Variants in HOXC4 observed in about 807,000 individuals in gnomAD.
HOXC4 encodes the protein homeobox C4, also known as homeobox protein Hox-C4.
In HOXC4, 15 loss-of-function variants were observed where a neutral mutation model predicts 25.5. The observed-to-expected ratio is 0.59, with a 90% confidence interval of 0.39 to 0.91. The LOEUF is 0.91. Among genes scored for constraint, HOXC4 ranks in the 40% least tolerant of loss-of-function variants. The pLI is 0.00. For missense variants in HOXC4, 342 were observed against 352.4 expected (o/e 0.97, Z 0.24); for synonymous variants, 165 against 148.0 (o/e 1.11, Z -0.83).
At chr12:54,031,343 G>A (rs1940978649) in intron 1 of HOXC4, among the ~76,000 whole-genome samples, 1 of 152,200 alleles carries the variant, frequency 6.6e-6, no homozygotes, top group African/African-American at 2.4e-5. Flanking sequence ...GAAGACCGCG[G>A]GACTGGAGCC....
At chr12:54,043,918 C>CTG (rs71444829) in intron 1 of HOXC4, among the ~76,000 whole-genome samples, 3,533 of 127,308 alleles carry the variant, frequency 0.028, 56 homozygotes, top group Middle Eastern at 0.035. Context: ...AAAACACAGG[C>CTG]TGTGTGTGTG....
intron 1 of HOXC4, chr12:54,030,884 C>T (rs1251459198): frequency 1.3e-5 from 2 of 152,282 alleles, no homozygotes. Flanking sequence ...GGAGCAGGCT[C>T]CAAGCGCTCC....
At chr12:54,050,555 C>T (rs574779905), upstream of HOXC4, among the ~76,000 whole-genome samples, 17 of 152,244 alleles carry the variant, frequency 1.1e-4, no homozygotes, top group South Asian at 3.3e-3. Context: ...TACCCCCACC[C>T]CCTCCCAATT....
At chr12:54,051,961 T>G (rs1937856276), upstream of HOXC4, among the ~76,000 whole-genome samples, 2 of 152,208 alleles carry the variant, frequency 1.3e-5, no homozygotes, top group Non-Finnish European at 2.9e-5. Context: ...CACAAGGGCT[T>G]TATTTTTTTT....
intron 1 of HOXC4, among the ~76,000 whole-genome samples, chr12:54,026,129 G>T (rs1294063290): frequency 6.6e-6 from 1 of 152,066 alleles, no homozygotes; most frequent in Non-Finnish European, 1.5e-5. Context: ...ATTGGAGGGG[G>T]GGACAGAGTT....
At chr12:54,033,919 C>G (rs528974331) in intron 1 of HOXC4, 1 of 398,138 alleles carries the variant, frequency 2.5e-6, no homozygotes, top group Non-Finnish European at 4.9e-6. Flanking sequence ...CCGGCTCCGC[C>G]GGCGCTTGCG....
chr12:54,034,571 A>G, intron 1 of HOXC4: 1 of 1,247,298 alleles, frequency 8.0e-7, no homozygotes, highest in Non-Finnish European at 1.1e-6. Flanking sequence ...TTTCCTCTCT[A>G]TATTTCGGGT....
chr12:54,035,277 T>C (rs1941158923), intron 1 of HOXC4: 1 of 152,706 alleles, frequency 6.5e-6, no homozygotes, highest in Non-Finnish European at 1.5e-5. Flanking sequence ...TCCTGACCCA[T>C]TGCTGTTGTC....
intron 1 of HOXC4, among the ~76,000 whole-genome samples, chr12:54,031,000 G>A (rs1940964410): frequency 6.6e-6 from 1 of 152,236 alleles, no homozygotes; most frequent in Non-Finnish European, 1.5e-5. Context: ...CGCACTGAGG[G>A]GCTGGGAGGC....
In HOXC4 at chr12:54,029,560, G is replaced by A. The variant is rs1940900453; in HGVS notation, c.-124+12146G>A. The A allele has an allele frequency of 3.6e-5, 48 of 1,322,116 alleles. No homozygotes were observed. The Middle Eastern group carries it at 8.0e-4, about 22-fold the overall frequency. 81.9% of individuals were successfully genotyped at this position (1,322,116 alleles called of 1,614,324 possible). On this transcript the variant is annotated intron_variant, in intron 1 of 3. Transcript: ENST00000303406. ...GCCCTAAGGAGGCTGTGAGCTGCTG[G>A]CCAGGTTGGGAGGGTCAGGACTTTG...
At chr12:54,018,665 C>T (rs1036998606) in intron 1 of HOXC4, among the ~76,000 whole-genome samples, 1 of 152,184 alleles carries the variant, frequency 6.6e-6, no homozygotes, top group Admixed American at 6.5e-5. Context: ...GGCCTGGGTC[C>T]GAGGCTCCGA....
At chr12:54,035,604 T>A (rs1162326984) in intron 1 of HOXC4, among the ~76,000 whole-genome samples, 13 of 152,360 alleles carry the variant, frequency 8.5e-5, no homozygotes, top group Non-Finnish European at 2.9e-5. Context: ...ATGCTGTGGC[T>A]GTCCAAGGCC....
chr12:54,023,593 G>A (rs1211493668), intron 1 of HOXC4, among the ~76,000 whole-genome samples: 1 of 152,122 alleles, frequency 6.6e-6, no homozygotes, highest in Admixed American at 6.5e-5. Context: ...AGCTTAACAT[G>A]CCCAATCTGC....
intron 1 of HOXC4, chr12:54,034,357 C>T: frequency 6.2e-7 from 1 of 1,614,226 alleles, no homozygotes; most frequent in Non-Finnish European, 8.5e-7. Context: ...ACTTTAACCG[C>T]TACCTCACTC....
chr12:54,018,791 G>A (rs2136414621), intron 1 of HOXC4, among the ~76,000 whole-genome samples: 1 of 152,246 alleles, frequency 6.6e-6, no homozygotes, highest in African/African-American at 2.4e-5. Context: ...CGAGGTCCGA[G>A]AGAACCTGGG....
Position 54,032,507 on chromosome 12 carries a change from C to T in HOXC4, c.-124+15093C>T, listed in dbSNP as rs114023888. Among the ~76,000 whole-genome samples the T allele has an allele frequency of 7.3e-3, 1,114 of 152,338 alleles. 19 individuals are homozygous for T. The highest frequency in any genetic ancestry group is 0.026 in the African/African-American group (1,074 of 41,576). Reference sequence around the variant, plus strand: ...ATAGGCCACCTTACCTAACTTAATCCCCTTTCCTCAGCCATTTTTGAAGAT... The same window carrying T: ...ATAGGCCACCTTACCTAACTTAATCTCCTTTCCTCAGCCATTTTTGAAGAT... On this transcript the variant is annotated intron_variant, in intron 1 of 3. Transcript: ENST00000303406.
intron 1 of HOXC4, among the ~76,000 whole-genome samples, chr12:54,046,342 T>C (rs1318110077): frequency 6.6e-6 from 1 of 152,000 alleles, no homozygotes; most frequent in Non-Finnish European, 1.5e-5. Flanking sequence ...GATGCCAACG[T>C]CTCCAGAATC....
upstream of HOXC4, among the ~76,000 whole-genome samples, chr12:54,051,167 C>G (rs767254322): frequency 6.6e-6 from 1 of 152,094 alleles, no homozygotes; most frequent in Non-Finnish European, 1.5e-5. Context: ...GGATGAGAGT[C>G]AGGCTCACAG....
At position 54,033,300 on chromosome 12, in the gene HOXC4, G is replaced by C. The variant is rs572999473; in HGVS notation, c.-124+15886G>C. 63 of 1,614,052 alleles carry C rather than the reference G, an allele frequency of 3.9e-5. No homozygotes were observed. The highest frequency in any genetic ancestry group is 3.3e-4 in the Middle Eastern group (2 of 6,060). ...GCCTGCGCCTTCCAACTCTCTCCAC[G>C]GGGTAGACATGGCTGCCAACCCCCG... On this transcript the variant is annotated intron_variant, in intron 1 of 3. Transcript: ENST00000303406.
Sources: gnomAD v4.1 joint callset for allele counts (sites outside exome capture counted in the v4.1 genomes callset) on GRCh38, gnomAD v4.1.1 for gene constraint, MANE v1.5 for transcripts, NCBI Gene and HGNC (gene_info 2026-07-23, HGNC 2026-07-21) for gene names.